Variants in MYO3B observed in about 807,000 individuals in gnomAD.
MYO3B encodes myosin-IIIb.
In MYO3B, 156 loss-of-function variants were observed where a neutral mutation model predicts 174.6. That is an observed-to-expected ratio of 0.89 (90% CI 0.78 to 1.02). MYO3B has a LOEUF of 1.02. Ranked by LOEUF, MYO3B falls within the 50% of genes least tolerant of loss-of-function variation. The pLI, the probability that MYO3B is intolerant of heterozygous loss-of-function variation, is 0.00. For synonymous variants in MYO3B, 563 were observed against 569.1 expected (o/e 0.99, Z 0.15); for missense variants, 1,632 against 1,639.4 (o/e 1.00, Z 0.08).
Position 170,404,306 on chromosome 2 carries a change from G to C in MYO3B, c.2337G>C (p.Pro779=). The part of the protein sequence containing the change: ...AVPVEYEDNR[P]LLDMFLQKPL... ...CCGTGGAATATGAGGACAACCGCCC[G>C]CTCTTGGACATGTTCCTCCAGAAAC... The change falls in exon 20 of 35, where the codon CCG becomes CCC. Residue 779 remains proline (P), a synonymous_variant. Transcript: ENST00000408978. The C allele has an allele frequency of 7.4e-6, 12 of 1,613,646 alleles. No individual in the cohort carries two copies. The highest frequency in any genetic ancestry group is 1.7e-5 in the Admixed American group (1 of 59,930).
intron 30 of MYO3B, among the ~76,000 whole-genome samples, chr2:170,520,269 C>A (rs140207426): frequency 0.019 from 2,914 of 152,018 alleles, 46 homozygotes; most frequent in Non-Finnish European, 0.028. Flanking sequence ...AATTGTCCAG[C>A]CTCAGATGTC....
intron 32 of MYO3B, chr2:170,646,799 G>T: frequency 3.2e-6 from 2 of 617,366 alleles, no homozygotes; most frequent in Middle Eastern, 6.3e-4. Flanking sequence ...TATGGTGTAT[G>T]AATTAATAGA....
At chr2:170,636,362 G>GTGTT in intron 32 of MYO3B, among the ~76,000 whole-genome samples, 1 of 150,974 alleles carries the variant, frequency 6.6e-6, no homozygotes, top group African/African-American at 2.4e-5. Context: ...ATAACTGTTT[G>GTGTT]TGTTATGTTA....
chr2:170,255,808 A>G (rs2093299928), intron 7 of MYO3B, among the ~76,000 whole-genome samples: 1 of 152,254 alleles, frequency 6.6e-6, no homozygotes, highest in African/African-American at 2.4e-5. Context: ...CCAAATTGAA[A>G]TGTCTGAAAT....
chr2:170,336,094 G>T (rs1000089487), intron 8 of MYO3B, among the ~76,000 whole-genome samples: 3 of 152,064 alleles, frequency 2.0e-5, no homozygotes, highest in African/African-American at 7.2e-5. Context: ...GGGGTCATGG[G>T]CTTTTGGACC....
chr2:170,248,753 A>T (rs1340672814), intron 7 of MYO3B, among the ~76,000 whole-genome samples: 1 of 152,182 alleles, frequency 6.6e-6, no homozygotes, highest in Non-Finnish European at 1.5e-5. Flanking sequence ...TGGACCCACC[A>T]AGGTAATCCA....
At chr2:170,487,855 T>C (rs897342526) in intron 25 of MYO3B, among the ~76,000 whole-genome samples, 1 of 152,148 alleles carries the variant, frequency 6.6e-6, no homozygotes, top group Non-Finnish European at 1.5e-5. Flanking sequence ...AAATAAAAAA[T>C]GTAGGCCATC....
chr2:170,519,251 C>A (rs1688510983), intron 29 of MYO3B, among the ~76,000 whole-genome samples, 187 bp from the exon 30 acceptor site: 1 of 151,938 alleles, frequency 6.6e-6, no homozygotes. Flanking sequence ...TGAGACCAAG[C>A]ATGGAACAAG....
intron 32 of MYO3B, among the ~76,000 whole-genome samples, chr2:170,611,110 A>C (rs939854570): frequency 1.3e-5 from 2 of 152,162 alleles, no homozygotes; most frequent in Non-Finnish European, 2.9e-5. Context: ...GGCATGGCAA[A>C]TTCATCAGGA....
chr2:170,391,180 T>C (rs1473489242), intron 14 of MYO3B, among the ~76,000 whole-genome samples: 1 of 152,112 alleles, frequency 6.6e-6, no homozygotes, highest in Non-Finnish European at 1.5e-5. Flanking sequence ...GTCTCTAAGC[T>C]GGACCTCACT....
chr2:170,564,494 A>C (rs1691939925), intron 32 of MYO3B, among the ~76,000 whole-genome samples: 1 of 152,176 alleles, frequency 6.6e-6, no homozygotes, highest in African/African-American at 2.4e-5. Flanking sequence ...AAATAAATTC[A>C]TTCTAAGGCA....
intron 8 of MYO3B, among the ~76,000 whole-genome samples, chr2:170,343,030 A>AACAC (rs56221872): frequency 0.019 from 2,651 of 135,958 alleles, 33 homozygotes; most frequent in South Asian, 0.024. Flanking sequence ...TCGGGCCTCT[A>AACAC]ACACACACAC....
chr2:170,494,136 G>C (rs990098577), intron 25 of MYO3B, among the ~76,000 whole-genome samples: 22 of 152,230 alleles, frequency 1.4e-4, no homozygotes, highest in Non-Finnish European at 2.6e-4. Context: ...GAATCTTACA[G>C]ATCCTTCCAG....
intron 32 of MYO3B, among the ~76,000 whole-genome samples, chr2:170,555,408 T>C (rs1691216078): frequency 6.6e-6 from 1 of 152,242 alleles, no homozygotes; most frequent in African/African-American, 2.4e-5. Context: ...ATCCCATCTC[T>C]ACCTCCTTAT....
intron 22 of MYO3B, among the ~76,000 whole-genome samples, chr2:170,432,918 C>T (rs72878205): frequency 0.064 from 9,686 of 152,126 alleles, 409 homozygotes; most frequent in Non-Finnish European, 0.082. Context: ...CCTAAGTGTG[C>T]AGTATTTATA....
chr2:170,214,415 G>A lies in MYO3B; in HGVS notation c.358G>A (p.Gly120Ser). The change falls in exon 4 of 35, where the codon GGT (glycine) becomes AGT (serine). Residue 120 changes from glycine to serine, a missense_variant. Transcript: ENST00000408978. ...NGGSVTELVK[G>S]LLRCGQRLDE... ...GGGCTCAGTCACTGAGCTTGTCAAA[G>A]GTCTACTCAGATGTGGCCAGCGGTT... 1 of 1,614,146 alleles carries A rather than the reference G, an allele frequency of 6.2e-7. No individual in the cohort carries two copies. The highest frequency in any genetic ancestry group is 1.1e-5 in the South Asian group (1 of 91,078).
chr2:170,312,132 A>G (rs2093744265), intron 7 of MYO3B, among the ~76,000 whole-genome samples: 1 of 152,120 alleles, frequency 6.6e-6, no homozygotes, highest in African/African-American at 2.4e-5. Context: ...CTCTTCTACC[A>G]CTCACAGAAC....
Position 170,358,667 on chromosome 2 carries a change from C to T in MYO3B, c.816-10555C>T, listed in dbSNP as rs565437052. 1.5e-3 allele frequency among the ~76,000 whole-genome samples: 227 copies of T among 152,174 alleles called. 1 individual carries two copies. Among genetic ancestry groups the T allele is most frequent in the African/African-American group, 5.2e-3 (215 of 41,514 alleles). Reference sequence around the variant, plus strand: ...TTATTGAGTAGTTTTTGCTGATTTTCTTGCATTTAAAATTTTTACTTAATG... The same window carrying T: ...TTATTGAGTAGTTTTTGCTGATTTTTTTGCATTTAAAATTTTTACTTAATG... On this transcript the variant is annotated intron_variant, in intron 8 of 34. Coordinates refer to ENST00000408978, the MANE Select transcript of MYO3B (RefSeq NM_138995.5).
At chr2:170,439,494 C>G (rs1433980344) in intron 22 of MYO3B, among the ~76,000 whole-genome samples, 1 of 152,074 alleles carries the variant, frequency 6.6e-6, no homozygotes, top group Non-Finnish European at 1.5e-5. Context: ...AAAAGTTTCT[C>G]CTATTCCATA....
Sources: allele counts gnomAD v4.1 joint callset (sites outside exome capture counted in the v4.1 genomes callset), GRCh38; gene constraint gnomAD v4.1.1; transcripts MANE v1.5; gene names NCBI Gene and HGNC (gene_info 2026-07-23, HGNC 2026-07-21).